GABRR2: variants seen among roughly 807,000 people sequenced by gnomAD.
GABRR2 encodes the protein gamma-aminobutyric acid type A receptor subunit rho2.
A neutral mutation model predicts 47.0 loss-of-function variants in GABRR2; 36 were observed. That is an observed-to-expected ratio of 0.77 (90% CI 0.59 to 1.01). GABRR2 has a LOEUF of 1.01. Ranked by LOEUF, GABRR2 falls within the 50% of genes least tolerant of loss-of-function variation. The pLI is 0.00. For synonymous variants in GABRR2, 204 were observed against 227.5 expected, an observed-to-expected ratio of 0.90 and a Z score of 0.93; for missense variants, 587 against 594.6, an observed-to-expected ratio of 0.99 and a Z score of 0.13.
intron 2 of GABRR2, among the ~76,000 whole-genome samples, chr6:89,280,211 AAT>A (rs35295435): frequency 0.031 from 3,365 of 110,036 alleles, 75 homozygotes; most frequent in African/African-American, 0.035. Context: ...TCTAAAAACA[AAT>A]ATATATATAT....
At chr6:89,312,231 A>G (rs1464647952) in intron 1 of GABRR2, among the ~76,000 whole-genome samples, 1 of 152,220 alleles carries the variant, frequency 6.6e-6, no homozygotes, top group African/African-American at 2.4e-5. Flanking sequence ...GAGTAGGAAT[A>G]AAGTTGGAAG....
intron 3 of GABRR2, 27 bp downstream of exon 3, chr6:89,271,628 G>A (rs778044729): frequency 1.1e-5 from 17 of 1,596,870 alleles, no homozygotes; most frequent in Non-Finnish European, 1.2e-5. Context: ...AGGCTCTCAC[G>A]CTGTGTCACT....
In GABRR2 at chr6:89,299,860, A is replaced by G; in HGVS notation, c.119T>C (p.Leu40Ser). 6.2e-7 allele frequency: 1 copy of G among 1,606,026 alleles called. No individual in the cohort carries two copies. Among genetic ancestry groups the G allele is most frequent in the Middle Eastern group, 1.7e-4 (1 of 6,048 alleles). ...GQVEMPKPSH[L>S]YKKNLDVTKI... is the part of the protein sequence containing the mutation. ...GGTCACATCAAGGTTCTTCTTATAT[A>G]AGTGACTGTGAAGACAAGCAAGAAA... The change falls in exon 2 of 9, where the codon TTA becomes TCA. Residue 40 changes from leucine (L) to serine (S), a missense_variant. Coordinates refer to ENST00000402938, the MANE Select transcript of GABRR2 (RefSeq NM_002043.5).
At chr6:89,314,262 A>G (rs1216919018) in intron 1 of GABRR2, among the ~76,000 whole-genome samples, 1 of 152,220 alleles carries the variant, frequency 6.6e-6, no homozygotes, top group Non-Finnish European at 1.5e-5. Flanking sequence ...ATGGAAAATA[A>G]ATGTGTAACA....
chr6:89,305,013 G>T (rs566992057), intron 1 of GABRR2, among the ~76,000 whole-genome samples: 4 of 152,326 alleles, frequency 2.6e-5, no homozygotes, highest in Admixed American at 2.6e-4. Context: ...ATTCACAATA[G>T]CAGAGAGATG....
In GABRR2 at chr6:89,308,074, C is replaced by A. The variant is rs544121094; in HGVS notation, c.113+6979G>T. 2.6e-5 allele frequency among the ~76,000 whole-genome samples: 4 copies of A among 152,286 alleles called. No homozygotes were observed. The South Asian group carries it at 6.2e-4, about 24-fold the overall frequency. ...AGGTGATCTACCTGCCTTGGCCTCC[C>A]AAAGTGCTGGGGTTACAGGCATGAG... On this transcript the variant is annotated intron_variant, in intron 1 of 8. Transcript: ENST00000402938.
chr6:89,288,008 C>T (rs889357407), intron 2 of GABRR2, among the ~76,000 whole-genome samples: 1 of 152,154 alleles, frequency 6.6e-6, no homozygotes, highest in African/African-American at 2.4e-5. Flanking sequence ...GTTTGGACTT[C>T]CCAAGGTAGT....
At chr6:89,285,553 A>T (rs1485493655) in intron 2 of GABRR2, among the ~76,000 whole-genome samples, 1 of 152,102 alleles carries the variant, frequency 6.6e-6, no homozygotes, top group Non-Finnish European at 1.5e-5. Context: ...TCACCCGGGC[A>T]CTTAGAGATG....
chr6:89,294,604 G>A (rs1198754545), intron 2 of GABRR2, among the ~76,000 whole-genome samples: 1 of 151,812 alleles, frequency 6.6e-6, no homozygotes, highest in Non-Finnish European at 1.5e-5. Flanking sequence ...GGGGGTGTTA[G>A]GCTGAGCCGG....
chr6:89,299,906 A>C, intron 1 of GABRR2, 41 bp from the exon 2 acceptor site: 1 of 1,292,644 alleles, frequency 7.7e-7, no homozygotes, highest in Non-Finnish European at 1.1e-6. Context: ...TCGGCTCTTC[A>C]ATGCATTGAG....
chr6:89,282,324 G>A (rs1343289796), intron 2 of GABRR2, among the ~76,000 whole-genome samples: 1 of 152,134 alleles, frequency 6.6e-6, no homozygotes, highest in Non-Finnish European at 1.5e-5. Flanking sequence ...CTCCCCAGGG[G>A]TTGGGCTTGC....
intron 1 of GABRR2, chr6:89,302,151 A>G: frequency 1.7e-6 from 1 of 583,380 alleles, no homozygotes; most frequent in Non-Finnish European, 3.3e-6. Context: ...AAGAAGTGTG[A>G]GAACTGCGAC....
Position 89,268,107 on chromosome 6 carries a change from CAG to C in GABRR2, c.513-13_513-12del. On this transcript the variant is annotated splice_polypyrimidine_tract_variant and intron_variant, in intron 4 of 8. Transcript: ENST00000402938. ...GCAGTGACCGTAATCCTAGACAACC[CAG>C]AGTCACATATTGGCTTGTGCGGTGA... 1 of 1,600,928 alleles carries C rather than the reference CAG, an allele frequency of 6.2e-7. No individual in the cohort carries two copies. Among genetic ancestry groups the C allele is most frequent in the South Asian group, 1.1e-5 (1 of 88,864 alleles).
At chr6:89,312,012 C>T (rs560618087) in intron 1 of GABRR2, among the ~76,000 whole-genome samples, 1 of 152,108 alleles carries the variant, frequency 6.6e-6, no homozygotes, top group East Asian at 1.9e-4. Context: ...CAGTGCAGAC[C>T]CAGGAAGGAT....
At chr6:89,273,160 C>A (rs898800198) in intron 2 of GABRR2, among the ~76,000 whole-genome samples, 1 of 152,100 alleles carries the variant, frequency 6.6e-6, no homozygotes, top group Admixed American at 6.5e-5. Context: ...ATAAGTTGAA[C>A]GTTCTATTTT....
chr6:89,264,469 C>T lies in GABRR2; in HGVS notation c.1029G>A (p.Ala343=), dbSNP rs375988912. 53 of 1,613,950 alleles carry T rather than the reference C, an allele frequency of 3.3e-5. No individual in the cohort carries two copies. In the African/African-American group the frequency reaches 5.1e-4, roughly 15 times the overall value. The change falls in exon 8 of 9, where the codon GCG becomes GCA. Residue 343 remains alanine, a synonymous_variant. Coordinates refer to ENST00000402938, the MANE Select transcript of GABRR2 (RefSeq NM_002043.5). ...GCACGGTGGTCAGGTAGTTGACAGC[C>T]GCATACTCCAGCACCGAGAGGAACA... ...VFVFLSVLEY[A]AVNYLTTVQE... is the part of the protein sequence containing the mutation.
chr6:89,298,868 C>T (rs1374469003), intron 2 of GABRR2, among the ~76,000 whole-genome samples: 1 of 152,246 alleles, frequency 6.6e-6, no homozygotes, highest in East Asian at 1.9e-4. Flanking sequence ...GGGATTAGTG[C>T]TCTTAGAAAA....
chr6:89,278,344 T>C (rs964856470), intron 2 of GABRR2, among the ~76,000 whole-genome samples: 1 of 152,230 alleles, frequency 6.6e-6, no homozygotes, highest in Non-Finnish European at 1.5e-5. Flanking sequence ...TTTTTCTTGA[T>C]CTGAATGATG....
In GABRR2 at chr6:89,288,771, G is replaced by A. The variant is rs1395458471; in HGVS notation, c.220+10988C>T. ...ATCCTCCCACTTCAACCTCCCAAGTGGCTAGGACTACAGGTGTGCACCACC... is the reference window on the plus strand; with the variant it reads ...ATCCTCCCACTTCAACCTCCCAAGTAGCTAGGACTACAGGTGTGCACCACC... On this transcript the variant is annotated intron_variant, in intron 2 of 8. Coordinates refer to ENST00000402938, the MANE Select transcript of GABRR2 (RefSeq NM_002043.5). Among the ~76,000 whole-genome samples, 6 of 151,958 alleles carry A rather than the reference G, an allele frequency of 3.9e-5. No individual in the cohort carries two copies. In the East Asian group the frequency reaches 1.2e-3, roughly 29 times the overall value.
Sources: gnomAD v4.1 joint callset for allele counts (sites outside exome capture counted in the v4.1 genomes callset) on GRCh38, gnomAD v4.1.1 for gene constraint, MANE v1.5 for transcripts, NCBI Gene and HGNC (gene_info 2026-07-23, HGNC 2026-07-21) for gene names.